The following BRD8 variants were observed in gnomAD, a reference collection of about 807,000 sequenced individuals.
The protein encoded by BRD8 is bromodomain containing 8, also known as bromodomain-containing protein 8.
A neutral mutation model predicts 143.1 loss-of-function variants in BRD8; 67 were observed. The ratio of observed to expected loss-of-function variants is 0.47; its 90% CI spans 0.38 to 0.57. BRD8 has a LOEUF of 0.57. BRD8 is among the 20% of genes least tolerant of loss of function. The pLI is 0.00. For synonymous variants in BRD8, 505 were observed against 517.1 expected, an observed-to-expected ratio of 0.98 and a Z score of 0.32; for missense variants, 1,103 against 1,503.0, an observed-to-expected ratio of 0.73 and a Z score of 4.40.
chr5:138,166,024 G>C lies in BRD8; in HGVS notation c.1082C>G (p.Ser361Cys). The change falls in exon 11 of 27, where the codon TCC (serine) becomes TGC (cysteine). Residue 361 changes from serine (S) to cysteine (C), a missense_variant. By Grantham distance (112) the Ser-to-Cys change is moderately radical. This residue lies in a region of BRD8 where 334 missense variants were observed against 372.5 expected (regional missense o/e 0.90). Transcript: ENST00000254900. The part of the protein sequence containing the change: ...VTVSMDSSEI[S>C]MIINSIKEEC... ...TTCTTTGATAGAATTGATGATCATG[G>C]ATATTTCACTGCTGTCCATGGAAAC... The C allele has an allele frequency of 6.2e-7, 1 of 1,614,136 alleles. No homozygotes were observed. The highest frequency in any genetic ancestry group is 8.5e-7 in the Non-Finnish European group (1 of 1,180,014).
chr5:138,151,750 G>C (rs990638695), intron 21 of BRD8, among the ~76,000 whole-genome samples: 1 of 152,192 alleles, frequency 6.6e-6, no homozygotes, highest in Non-Finnish European at 1.5e-5. Flanking sequence ...TGCAACTTCC[G>C]CCTCCCGGGT....
intron 20 of BRD8, 37 bp from the exon 21 acceptor site, chr5:138,152,797 CAAAT>C (rs1403298576): frequency 6.3e-7 from 1 of 1,585,616 alleles, no homozygotes; most frequent in East Asian, 2.3e-5. Context: ...TAAATTCATT[CAAAT>C]AAATATTCCT....
chr5:138,162,855 G>C (rs1753100403), intron 15 of BRD8, among the ~76,000 whole-genome samples: 1 of 151,886 alleles, frequency 6.6e-6, no homozygotes, highest in Non-Finnish European at 1.5e-5. Context: ...TTTTTAATTA[G>C]CAGGGTGTGG....
chr5:138,169,441 G>A, intron 7 of BRD8, 83 bp from the exon 8 acceptor site: 3 of 1,453,784 alleles, frequency 2.1e-6, no homozygotes, highest in South Asian at 2.6e-5. Context: ...ATACAATAAA[G>A]GACAAATAGG....
At chr5:138,159,999 AG>A in intron 19 of BRD8, 69 bp downstream of exon 19, 1 of 1,124,812 alleles carries the variant, frequency 8.9e-7, no homozygotes, top group Non-Finnish European at 1.4e-6. Context: ...TAGTAACATA[AG>A]GGTCCTTGGA....
At chr5:138,176,437 C>T (rs1299610586) in intron 2 of BRD8, among the ~76,000 whole-genome samples, 2 of 152,002 alleles carry the variant, frequency 1.3e-5, no homozygotes, top group African/African-American at 2.4e-5. Context: ...CCAGGCCACT[C>T]GTGGCGCATG....
intron 20 of BRD8, among the ~76,000 whole-genome samples, chr5:138,156,135 T>G (rs1752585228): frequency 7.4e-6 from 1 of 134,404 alleles, no homozygotes; most frequent in East Asian, 2.2e-4. Flanking sequence ...CCTCCCAAAG[T>G]GTTGGGCTAT....
At chr5:138,147,380 A>G (rs1298248116) in intron 23 of BRD8, among the ~76,000 whole-genome samples, 5 of 151,432 alleles carry the variant, frequency 3.3e-5, no homozygotes, top group Non-Finnish European at 7.4e-5. Flanking sequence ...TAGAATAATT[A>G]TTAGTTTTAC....
Position 138,169,318 on chromosome 5 carries a change from A to G in BRD8, c.546T>C (p.Thr182=), listed in dbSNP as rs775877070. 1.2e-6 allele frequency: 2 copies of G among 1,614,150 alleles called. No individual in the cohort carries two copies. Among genetic ancestry groups the G allele is most frequent in the South Asian group, 1.1e-5 (1 of 91,086 alleles). ...AVKTPPRRLP[T]VMVRSPIDSA... is the part of the protein sequence containing the mutation. ...AATCTATAGGAGAGCGAACCATCACAGTGGGTAACCTCCGGGGGGGTGTTT... is the reference window on the plus strand; with the variant it reads ...AATCTATAGGAGAGCGAACCATCACGGTGGGTAACCTCCGGGGGGGTGTTT... The change falls in exon 8 of 27, where the codon ACT becomes ACC. Residue 182 remains threonine, a synonymous_variant. Transcript: ENST00000254900.
intron 14 of BRD8, chr5:138,163,627 C>T: frequency 1.4e-6 from 2 of 1,413,084 alleles, no homozygotes; most frequent in Middle Eastern, 1.9e-4. Flanking sequence ...TCCCCTTGCT[C>T]GAGAGTAACT....
intron 2 of BRD8, among the ~76,000 whole-genome samples, chr5:138,176,388 T>C (rs1185898653): frequency 6.6e-6 from 1 of 152,118 alleles, no homozygotes; most frequent in African/African-American, 2.4e-5. Flanking sequence ...AAGACCAGCC[T>C]GGACAAAACC....
At chr5:138,176,252 G>A (rs996209438) in intron 2 of BRD8, among the ~76,000 whole-genome samples, 12 of 151,974 alleles carry the variant, frequency 7.9e-5, no homozygotes, top group African/African-American at 2.4e-4. Flanking sequence ...AGAAGAGCAC[G>A]TATCATTCCA....
intron 17 of BRD8, 132 bp from the exon 18 acceptor site, chr5:138,161,200 C>G: frequency 1.6e-6 from 1 of 636,352 alleles, no homozygotes; most frequent in East Asian, 3.0e-5. Context: ...AATGCTAACC[C>G]CTTATCCCAA....
chr5:138,163,285 C>CTCCT lies in BRD8; in HGVS notation c.1928_1931dup (p.Pro645GlyfsTer3). On this transcript the variant is annotated frameshift_variant, in exon 15 of 27. Transcript: ENST00000254900. LOFTEE classifies it high-confidence loss of function. ...CTTCTCCTTGATCCTCTTCCTTAGG[C>CTCCT]TCCTCTAGGCTGGCCGCTTCACTGA... 1 of 1,614,162 alleles carries CTCCT rather than the reference C, an allele frequency of 6.2e-7. No individual in the cohort carries two copies. Among genetic ancestry groups the CTCCT allele is most frequent in the South Asian group, 1.1e-5 (1 of 91,084 alleles).
intron 25 of BRD8, among the ~76,000 whole-genome samples, chr5:138,144,439 G>C (rs1404673922): frequency 6.6e-6 from 1 of 152,140 alleles, no homozygotes; most frequent in African/African-American, 2.4e-5. Flanking sequence ...CCACCGGAAG[G>C]AACCAATTCC....
intron 20 of BRD8, among the ~76,000 whole-genome samples, chr5:138,158,120 T>C (rs559184010): frequency 6.6e-6 from 1 of 152,352 alleles, no homozygotes; most frequent in East Asian, 1.9e-4. Flanking sequence ...TTCTTTTTTT[T>C]CCAAGCCAGT....
At chr5:138,152,856 G>C (rs1752425506) in intron 20 of BRD8, 96 bp from the exon 21 acceptor site, 4 of 1,314,416 alleles carry the variant, frequency 3.0e-6, no homozygotes, top group Non-Finnish European at 4.2e-6. Flanking sequence ...TAAGGGGCCA[G>C]AAATTTATTT....
chr5:138,153,873 A>G (rs1233856316), intron 20 of BRD8, among the ~76,000 whole-genome samples: 1 of 151,686 alleles, frequency 6.6e-6, no homozygotes, highest in Non-Finnish European at 1.5e-5. Flanking sequence ...ACGGGGTTTC[A>G]CCATGTTGAC....
At chr5:138,142,546 C>T (rs558660533) in intron 25 of BRD8, among the ~76,000 whole-genome samples, 12 of 151,968 alleles carry the variant, frequency 7.9e-5, no homozygotes, top group East Asian at 1.9e-4. Flanking sequence ...AGGCGGATCA[C>T]GAGGTCAAGA....
Sources: allele counts gnomAD v4.1 joint callset (sites outside exome capture counted in the v4.1 genomes callset), GRCh38; gene constraint gnomAD v4.1.1; regional missense constraint gnomAD v4.1.1; transcripts MANE v1.5; gene names NCBI Gene and HGNC (gene_info 2026-07-23, HGNC 2026-07-21).